Variants in NCEH1 observed in about 807,000 individuals in gnomAD.
NCEH1 encodes the protein neutral cholesterol ester hydrolase 1.
A neutral mutation model predicts 25.4 loss-of-function variants in NCEH1; 9 were observed. The observed-to-expected ratio is 0.35, with a 90% CI of 0.21 to 0.62. NCEH1 has a LOEUF of 0.62. Ranked by LOEUF, NCEH1 falls within the 20% of genes least tolerant of loss-of-function variation. The pLI is 0.72. For synonymous variants in NCEH1, 200 were observed against 199.8 expected, an observed-to-expected ratio of 1.00 and a Z score of -0.01; for missense variants, 412 against 501.1, an observed-to-expected ratio of 0.82 and a Z score of 1.70.
intron 1 of NCEH1, among the ~76,000 whole-genome samples, chr3:172,665,007 G>A (rs6808751): frequency 0.34 from 51,545 of 151,936 alleles, 8,906 homozygotes; most frequent in South Asian, 0.38. Flanking sequence ...CGTTGCTGGC[G>A]AGGCGCTGTG....
intron 1 of NCEH1, among the ~76,000 whole-genome samples, chr3:172,661,972 C>T (rs1242170797): frequency 6.6e-6 from 1 of 152,096 alleles, no homozygotes; most frequent in South Asian, 2.1e-4. Context: ...TTTCTCATGC[C>T]TGATTGCCCT....
intron 3 of NCEH1, among the ~76,000 whole-genome samples, chr3:172,639,958 G>A (rs973922801): frequency 6.6e-6 from 1 of 152,354 alleles, no homozygotes; most frequent in Middle Eastern, 3.4e-3. Flanking sequence ...GTAACAGCTA[G>A]AAGTGGCAGA....
intron 3 of NCEH1, among the ~76,000 whole-genome samples, chr3:172,636,504 T>C (rs889157303): frequency 6.6e-6 from 1 of 152,220 alleles, no homozygotes; most frequent in Non-Finnish European, 1.5e-5. Context: ...CTTGGCAGGA[T>C]TAACCACTTC....
intron 1 of NCEH1, among the ~76,000 whole-genome samples, chr3:172,700,697 A>G (rs1713632085): frequency 6.6e-6 from 1 of 152,066 alleles, no homozygotes; most frequent in Non-Finnish European, 1.5e-5. Context: ...TTTGTTGCCA[A>G]GGCTGGTCTT....
chr3:172,646,086 C>T (rs1195137932), intron 2 of NCEH1, among the ~76,000 whole-genome samples: 1 of 152,174 alleles, frequency 6.6e-6, no homozygotes, highest in Admixed American at 6.5e-5. Context: ...GGAGTGGTGG[C>T]TCATGCCTGT....
chr3:172,683,214 T>C (rs573043568), intron 1 of NCEH1, among the ~76,000 whole-genome samples: 3 of 71,780 alleles, frequency 4.2e-5, no homozygotes, highest in African/African-American at 1.9e-4. Context: ...CCATCCCAGC[T>C]AAAACGGTGA....
chr3:172,665,723 CG>C (rs1367624319), intron 1 of NCEH1, among the ~76,000 whole-genome samples: 1 of 152,186 alleles, frequency 6.6e-6, no homozygotes, highest in Admixed American at 6.5e-5. Context: ...GCTGCTGCCT[CG>C]CAGTTTGATC....
chr3:172,634,531 C>A (rs1716518782), intron 4 of NCEH1, among the ~76,000 whole-genome samples: 1 of 152,168 alleles, frequency 6.6e-6, no homozygotes, highest in Admixed American at 6.5e-5. Context: ...TTATGAGACT[C>A]CTGAGTGTTT....
At chr3:172,641,419 G>A (rs574247345) in intron 3 of NCEH1, among the ~76,000 whole-genome samples, 109 of 152,276 alleles carry the variant, frequency 7.2e-4, no homozygotes, top group African/African-American at 2.3e-3. Context: ...CATGAATCAT[G>A]GAGTCCCAAC....
At chr3:172,688,330 C>CAAAAAAAAAAAAAAAAAAAAA (rs11376665) in intron 1 of NCEH1, among the ~76,000 whole-genome samples, 1 of 66,234 alleles carries the variant, frequency 1.5e-5, no homozygotes, top group African/African-American at 6.0e-5. Flanking sequence ...AACTCCACCT[C>CAAAAAAAAAAAAAAAAAAAAA]AAAAAAAAAA....
At chr3:172,700,604 C>G (rs1240616468) in intron 1 of NCEH1, among the ~76,000 whole-genome samples, 2 of 152,172 alleles carry the variant, frequency 1.3e-5, no homozygotes, top group African/African-American at 4.8e-5. Flanking sequence ...ACCTCCTAGG[C>G]TCAAGAGATC....
intron 1 of NCEH1, among the ~76,000 whole-genome samples, chr3:172,709,160 G>C (rs919724108): frequency 1.3e-5 from 2 of 152,172 alleles, no homozygotes; most frequent in African/African-American, 4.8e-5. Context: ...TCCTTAATGG[G>C]CTGGCAAGCC....
At chr3:172,694,396 G>GTGTC (rs1553839175) in intron 1 of NCEH1, among the ~76,000 whole-genome samples, 26 of 69,924 alleles carry the variant, frequency 3.7e-4, no homozygotes, top group African/African-American at 1.2e-3. Context: ...GTGTGTGTCT[G>GTGTC]TGTGTGTGTG....
intron 2 of NCEH1, 115 bp downstream of exon 2, chr3:172,647,770 CA>C: frequency 7.2e-7 from 1 of 1,395,938 alleles, no homozygotes; most frequent in Non-Finnish European, 9.8e-7. Flanking sequence ...TGGGACCATC[CA>C]GGGGAACCTA....
rs973892582 is a variant in NCEH1, at chr3:172,664,653, T to C, written c.139-16539A>G. On this transcript the variant is annotated intron_variant, in intron 1 of 4. Coordinates refer to ENST00000475381, the MANE Select transcript of NCEH1 (RefSeq NM_020792.6). ...GTCCCATATTTCTTGGAGGCTTTGT[T>C]TGTCTCTTTACTCTTTTTTCTCTAA... Among the ~76,000 whole-genome samples the C allele has an allele frequency of 2.0e-5, 3 of 152,154 alleles. No individual in the cohort carries two copies. The East Asian group carries it at 5.8e-4, about 29-fold the overall frequency.
At chr3:172,675,604 A>G (rs761746068) in intron 1 of NCEH1, among the ~76,000 whole-genome samples, 1 of 152,244 alleles carries the variant, frequency 6.6e-6, no homozygotes, top group Non-Finnish European at 1.5e-5. Flanking sequence ...AATTGTCAAA[A>G]TTAATGCTAA....
At chr3:172,695,801 G>C (rs1372293964) in intron 1 of NCEH1, among the ~76,000 whole-genome samples, 1 of 151,978 alleles carries the variant, frequency 6.6e-6, no homozygotes, top group African/African-American at 2.4e-5. Flanking sequence ...AAAATTAGCT[G>C]AGCATGGTGG....
At chr3:172,655,552 G>A (rs1458474907) in intron 1 of NCEH1, among the ~76,000 whole-genome samples, 7 of 152,214 alleles carry the variant, frequency 4.6e-5, no homozygotes, top group African/African-American at 1.7e-4. Flanking sequence ...GATGTTTCTG[G>A]TCACAGGGCG....
chr3:172,636,159 A>G, intron 3 of NCEH1, 72 bp from the exon 4 acceptor site: 1 of 989,914 alleles, frequency 1.0e-6, no homozygotes, highest in Non-Finnish European at 1.5e-6. Flanking sequence ...TTAGATGGAA[A>G]CTGGTTCTTT....
Sources: allele counts gnomAD v4.1 joint callset (sites outside exome capture counted in the v4.1 genomes callset), GRCh38; gene constraint gnomAD v4.1.1; transcripts MANE v1.5; gene names NCBI Gene and HGNC (gene_info 2026-07-23, HGNC 2026-07-21).